PABIR3: variants seen among roughly 807,000 people sequenced by gnomAD.
The protein encoded by PABIR3 is PABIR family member 3, also known as PABIR family member 1.
PABIR3 carries 20 observed loss-of-function variants against 23.1 expected under a neutral mutation model. That is an observed-to-expected ratio of 0.86 (90% CI 0.61 to 1.26). PABIR3 has a LOEUF of 1.26. Among genes scored for constraint, PABIR3 ranks in the 50% most tolerant of loss-of-function variants. The pLI is 0.00. For missense variants in PABIR3, 189 were observed against 195.4 expected (o/e 0.97, Z 0.20); for synonymous variants, 69 against 68.5 (o/e 1.01, Z -0.04).
chrX:134,850,907 C>A (rs1490575489), intron 9 of PABIR3, among the ~76,000 whole-genome samples: 1 of 111,522 alleles, frequency 9.0e-6, no homozygotes, highest in Non-Finnish European at 1.9e-5. Flanking sequence ...CATACCCCAC[C>A]CTCCAAAGCA....
chrX:134,819,117 A>G (rs760383062), intron 3 of PABIR3, among the ~76,000 whole-genome samples: 1 of 108,037 alleles, frequency 9.3e-6, no homozygotes, highest in Non-Finnish European at 1.9e-5. Flanking sequence ...TCGTATTTTT[A>G]GTAGAGATGG....
At chrX:134,856,304 A>T (rs942595541), downstream of PABIR3, among the ~76,000 whole-genome samples, 1 of 107,735 alleles carries the variant, frequency 9.3e-6, no homozygotes, top group Non-Finnish European at 1.9e-5. Flanking sequence ...TCCTGCCTCA[A>T]CCTCCCGAGT....
chrX:134,807,889 G>C (rs1438540491), intron 2 of PABIR3, among the ~76,000 whole-genome samples, 181 bp downstream of exon 2: 1 of 111,273 alleles, frequency 9.0e-6, no homozygotes, highest in Admixed American at 9.5e-5. Flanking sequence ...GCTGACCTGA[G>C]GGGGAGCGCG....
At chrX:134,810,513 TGAGATTAGGG>T in intron 2 of PABIR3, 2 of 752,949 alleles carry the variant, frequency 2.7e-6, no homozygotes, top group Non-Finnish European at 3.1e-6. Flanking sequence ...GTGACATCCC[TGAGATTAGGG>T]GACTTGCCCA....
At chrX:134,847,252 C>T (rs1343721054) in intron 6 of PABIR3, 131 bp from the exon 7 acceptor site, 7 of 432,379 alleles carry the variant, frequency 1.6e-5, no homozygotes, top group African/African-American at 2.4e-5. Context: ...TTTAGGATGG[C>T]GAGAGCTCTT....
intron 2 of PABIR3, 79 bp downstream of exon 2, chrX:134,807,787 G>A: frequency 1.0e-6 from 1 of 998,626 alleles, no homozygotes; most frequent in East Asian, 3.3e-5. Context: ...TAGAATTCCC[G>A]TCCCTTTATT....
chrX:134,857,424 A>G (rs768190936), downstream of PABIR3, among the ~76,000 whole-genome samples: 15 of 111,668 alleles, frequency 1.3e-4, no homozygotes, highest in East Asian at 2.3e-3. Flanking sequence ...CTAATCCAAT[A>G]TGACCTCATC....
chrX:134,810,544 G>A, intron 2 of PABIR3: 3 of 754,262 alleles, frequency 4.0e-6, no homozygotes, highest in Non-Finnish European at 4.7e-6. Flanking sequence ...GATGATCTGA[G>A]GGCATATTTT....
At chrX:134,840,324 C>G (rs2082180919) in intron 4 of PABIR3, among the ~76,000 whole-genome samples, 1 of 109,748 alleles carries the variant, frequency 9.1e-6, no homozygotes, top group Non-Finnish European at 1.9e-5. Context: ...TGCCAAATCC[C>G]CCTCTGCGAG....
Position 134,814,756 on chromosome X carries a change from T to C in PABIR3, c.111-15T>C, listed in dbSNP as rs756548729. ...ATGGATTTTATATAACACATGTTTT[T>C]GTTTTTCTTTTTAGTTTTAATTCAC... On this transcript the variant is annotated splice_polypyrimidine_tract_variant and intron_variant, in intron 2 of 10. Transcript: ENST00000645433. 2 of 1,137,122 alleles carry C rather than the reference T, an allele frequency of 1.8e-6. No homozygotes were observed. Among genetic ancestry groups the C allele is most frequent in the East Asian group, 6.0e-5 (2 of 33,364 alleles). The allele number at this position is 1,137,122 out of a possible 1,213,427, so 93.7% of individuals were successfully genotyped here.
At chrX:134,811,501 G>C (rs1010171838) in intron 2 of PABIR3, among the ~76,000 whole-genome samples, 8 of 109,306 alleles carry the variant, frequency 7.3e-5, no homozygotes, top group African/African-American at 2.7e-4. Flanking sequence ...CGATTCTCCT[G>C]CCTCAGCCTC....
At chrX:134,840,252 A>G (rs1213870832) in intron 4 of PABIR3, among the ~76,000 whole-genome samples, 1 of 110,289 alleles carries the variant, frequency 9.1e-6, no homozygotes, top group Non-Finnish European at 1.9e-5. Context: ...GCCTAGGAAA[A>G]CCAGAGACCT....
At chrX:134,827,110 G>A (rs907713212) in intron 3 of PABIR3, among the ~76,000 whole-genome samples, 1 of 110,913 alleles carries the variant, frequency 9.0e-6, no homozygotes, top group Non-Finnish European at 1.9e-5. Flanking sequence ...ACAGGCACCC[G>A]CCACCATGCC....
intron 3 of PABIR3, among the ~76,000 whole-genome samples, chrX:134,825,210 G>A (rs777351887): frequency 8.9e-6 from 1 of 112,235 alleles, no homozygotes; most frequent in Admixed American, 9.5e-5. Context: ...GAAACTGCTG[G>A]GTAACAGGGG....
intron 3 of PABIR3, chrX:134,822,698 C>CACTCATAAGTTCTTATCATTTAGCTCCG: frequency 1.4e-6 from 1 of 700,431 alleles, no homozygotes; most frequent in Non-Finnish European, 1.7e-6. Flanking sequence ...CATGTTTTCT[C>CACTCATAAGTTCTTATCATTTAGCTCCG]ACTTATAAGT....
At chrX:134,841,165 G>T (rs73568799) in intron 4 of PABIR3, among the ~76,000 whole-genome samples, 1,238 of 108,556 alleles carry the variant, frequency 0.011, 21 homozygotes, top group African/African-American at 0.04. Context: ...AGGTCTTGTT[G>T]TTACCCAGGC....
chrX:134,838,746 G>A (rs1271377690), intron 4 of PABIR3: 14 of 86,328 alleles, frequency 1.6e-4, no homozygotes, highest in East Asian at 4.0e-4. Context: ...GATGCCGAGC[G>A]GAAGCTGGAC....
At chrX:134,836,148 A>G (rs1227148180) in intron 4 of PABIR3, among the ~76,000 whole-genome samples, 4 of 111,213 alleles carry the variant, frequency 3.6e-5, no homozygotes, top group Non-Finnish European at 5.7e-5. Flanking sequence ...ATTTTTTTAA[A>G]TTTTTGGAGA....
chrX:134,843,420 AG>A (rs372043671), intron 4 of PABIR3, among the ~76,000 whole-genome samples: 2 of 108,382 alleles, frequency 1.8e-5, no homozygotes, highest in African/African-American at 3.3e-5. Flanking sequence ...AAAAAAAAAA[AG>A]GGGGTTCAAC....
Sources: allele counts gnomAD v4.1 joint callset (sites outside exome capture counted in the v4.1 genomes callset), GRCh38; gene constraint gnomAD v4.1.1; transcripts MANE v1.5; gene names NCBI Gene and HGNC (gene_info 2026-07-23, HGNC 2026-07-21).